Variants in ARID2 observed in about 807,000 individuals in gnomAD.
ARID2 encodes the protein AT-rich interaction domain 2.
Under a neutral mutation model 184.6 loss-of-function variants are expected in ARID2, and 32 were observed. The observed-to-expected ratio is 0.17, with a 90% CI of 0.13 to 0.23. The LOEUF (loss-of-function observed/expected upper bound fraction) is 0.23, where lower values mean the gene tolerates loss of function less well. ARID2 is among the 10% of genes least tolerant of loss of function. ARID2 has a pLI of 1.00. For missense variants in ARID2, 1,696 were observed against 2,197.6 expected (o/e 0.77, Z 4.56); for synonymous variants, 836 against 772.6 (o/e 1.08, Z -1.36).
chr12:45,868,482 C>T (rs1943865864), intron 16 of ARID2, among the ~76,000 whole-genome samples: 1 of 152,092 alleles, frequency 6.6e-6, no homozygotes, highest in African/African-American at 2.4e-5. Flanking sequence ...TATTATGTGT[C>T]CACCCCACGT....
intron 16 of ARID2, among the ~76,000 whole-genome samples, chr12:45,870,913 T>C (rs1007792379): frequency 1.3e-5 from 2 of 152,212 alleles, no homozygotes; most frequent in Non-Finnish European, 2.9e-5. Flanking sequence ...TAAGGTGTTA[T>C]AAACATTTAT....
chr12:45,753,540 C>A (rs1436099165), intron 3 of ARID2, among the ~76,000 whole-genome samples: 1 of 152,160 alleles, frequency 6.6e-6, no homozygotes, highest in Non-Finnish European at 1.5e-5. Context: ...ATAGTTTAAT[C>A]TATAAATGCA....
chr12:45,767,610 C>G (rs1033696342), intron 3 of ARID2, among the ~76,000 whole-genome samples: 1 of 152,126 alleles, frequency 6.6e-6, no homozygotes, highest in Non-Finnish European at 1.5e-5. Context: ...AGGAGGATCA[C>G]TTGAGCCTAG....
intron 3 of ARID2, among the ~76,000 whole-genome samples, chr12:45,795,236 T>C (rs149255471): frequency 3.9e-5 from 6 of 152,290 alleles, no homozygotes; most frequent in East Asian, 1.9e-4. Flanking sequence ...ATCTAGAACA[T>C]TGACCCTGTA....
rs1173051583 is a variant in ARID2 at position 45,893,482 on chromosome 12, C to G, written c.5210C>G (p.Pro1737Arg). The G allele has an allele frequency of 4.3e-6, 7 of 1,613,958 alleles. No individual in the cohort carries two copies. The highest frequency in any genetic ancestry group is 5.9e-6 in the Non-Finnish European group (7 of 1,179,926). ...PRAQKAIVNHPSAALMALRRG... is the reference protein window; with the variant it reads ...PRAQKAIVNHRSAALMALRRG... ...GCACAAAAGGCCATTGTGAATCATC[C>G]CAGTGCTGCACTTATGGCTCTGAGG... is the stretch of plus-strand genomic sequence containing the variant. Residue 1737 changes from proline to arginine, a missense_variant, in exon 19 of 21, where the codon CCC becomes CGC. Transcript: ENST00000334344.
rs2138163513 is a variant in ARID2, at chr12:45,850,611, C to G, written c.2488C>G (p.Gln830Glu). 6.2e-7 allele frequency: 1 copy of G among 1,614,104 alleles called. No individual in the cohort carries two copies. The highest frequency in any genetic ancestry group is 8.5e-7 in the Non-Finnish European group (1 of 1,179,976). ...QLITTSPQPV[Q>E]TSSQQTSAGS... ...AATCACCACATCACCCCAACCTGTGCAAACTTCATCTCAACAGACATCAGC... is the reference window on the plus strand; with the variant it reads ...AATCACCACATCACCCCAACCTGTGGAAACTTCATCTCAACAGACATCAGC... Residue 830 changes from glutamine to glutamate, a missense_variant, in exon 15 of 21, where the codon CAA becomes GAA. Around this residue, in one of 11 missense-constraint regions of ARID2, gnomAD observed 713 missense variants for 824.4 expected, o/e 0.86. Coordinates refer to ENST00000334344, the MANE Select transcript of ARID2 (RefSeq NM_152641.4).
intron 3 of ARID2, among the ~76,000 whole-genome samples, chr12:45,756,821 C>T (rs1941580301): frequency 6.6e-6 from 1 of 152,052 alleles, no homozygotes; most frequent in Non-Finnish European, 1.5e-5. Context: ...ATCCCTGGAG[C>T]CTGGGAGGTT....
At chr12:45,893,188 A>G (rs892987288) in intron 18 of ARID2, among the ~76,000 whole-genome samples, 1 of 152,232 alleles carries the variant, frequency 6.6e-6, no homozygotes, top group African/African-American at 2.4e-5. Flanking sequence ...TTGCTTTAAA[A>G]TTGATAGATT....
chr12:45,797,548 A>T (rs1942413313), intron 3 of ARID2, among the ~76,000 whole-genome samples: 1 of 152,290 alleles, frequency 6.6e-6, no homozygotes, highest in East Asian at 1.9e-4. Context: ...TTAAATTTTA[A>T]TGAGATAAAT....
In ARID2 at chr12:45,851,679, A is replaced by T. The variant is rs967761538; in HGVS notation, c.3556A>T (p.Thr1186Ser). The T allele has an allele frequency of 1.9e-6, 3 of 1,614,172 alleles. No homozygotes were observed. The highest frequency in any genetic ancestry group is 3.3e-5 in the Admixed American group (2 of 60,012). The change falls in exon 15 of 21, where the codon ACT becomes TCT. Residue 1186 changes from threonine (T) to serine (S), a missense_variant. This residue lies in a region of ARID2 where 428 missense variants were observed against 409.1 expected (regional missense o/e 1.05). Transcript: ENST00000334344. ...GCCAAATACGAGTTTTGCACCTGCA[A>T]CTGTGAGTCAGGGAAATGCAACTCA... is the stretch of plus-strand genomic sequence containing the variant. The part of the protein sequence containing the change: ...VVPNTSFAPA[T>S]VSQGNATQLI...
chr12:45,894,338 C>T, intron 20 of ARID2, among the ~76,000 whole-genome samples: 1 of 152,196 alleles, frequency 6.6e-6, no homozygotes, highest in East Asian at 1.9e-4. Flanking sequence ...CTTGGGCCGC[C>T]TCTCTGCGAA....
chr12:45,892,247 T>G (rs1315977734), intron 18 of ARID2, 151 bp downstream of exon 18: 2 of 741,924 alleles, frequency 2.7e-6, no homozygotes, highest in Non-Finnish European at 4.3e-6. Context: ...CCTGTTCAAA[T>G]TGCTTAGATT....
At chr12:45,827,566 G>C (rs1943026251) in intron 6 of ARID2, among the ~76,000 whole-genome samples, 1 of 152,124 alleles carries the variant, frequency 6.6e-6, no homozygotes, top group East Asian at 1.9e-4. Flanking sequence ...TGAGGCTTTT[G>C]CAAGTATTGT....
In ARID2 at chr12:45,893,401, C is replaced by T. The variant is rs1426647838; in HGVS notation, c.5148-19C>T. The T allele has an allele frequency of 6.2e-7, 1 of 1,602,028 alleles. No homozygotes were observed. The highest frequency in any genetic ancestry group is 1.7e-5 in the Admixed American group (1 of 58,094). ...TATCACGTTAATTCTCTCTCTCTCT[C>T]TCTCTCTGATCAATTTAGGCAGCCA... is the stretch of plus-strand genomic sequence containing the variant. On this transcript the variant is annotated intron_variant, in intron 18 of 20. Transcript: ENST00000334344.
rs71067909 is a variant in ARID2, at chr12:45,901,154, A to ATT, written c.5364-3747_5364-3746dup. Among the ~76,000 whole-genome samples the ATT allele has an allele frequency of 7.0e-3, 316 of 44,950 alleles. 55 individuals are homozygous for ATT. Among genetic ancestry groups the ATT allele is most frequent in the African/African-American group, 8.5e-3 (61 of 7,156 alleles). 29.5% of individuals were successfully genotyped at this position (44,950 alleles called of 152,430 possible). A position where few individuals can be genotyped will look rare whatever the true frequency, so the allele number is the denominator to read the frequency against. On this transcript the variant is annotated intron_variant, in intron 20 of 20. Transcript: ENST00000334344. ...AATCTATTTTTTGGAAATTTCCTTA[A>ATT]TTTTTTTTTTTTTTTTTTTTTTTTT...
At chr12:45,736,649 C>A (rs1941131774) in intron 3 of ARID2, among the ~76,000 whole-genome samples, 1 of 152,134 alleles carries the variant, frequency 6.6e-6, no homozygotes, top group Non-Finnish European at 1.5e-5. Flanking sequence ...GGGGATTCTC[C>A]TTTTGCTGCT....
chr12:45,885,450 G>A (rs1223107979), intron 16 of ARID2, among the ~76,000 whole-genome samples: 1 of 151,798 alleles, frequency 6.6e-6, no homozygotes, highest in East Asian at 1.9e-4. Context: ...TTTTAAGTCA[G>A]GTGAGTTTGT....
intron 3 of ARID2, among the ~76,000 whole-genome samples, chr12:45,750,194 A>G (rs1437697199): frequency 3.3e-5 from 5 of 152,130 alleles, no homozygotes; most frequent in East Asian, 3.9e-4. Flanking sequence ...CCTAATTTCA[A>G]TATAGTTGTG....
intron 16 of ARID2, among the ~76,000 whole-genome samples, chr12:45,870,147 T>A (rs1943899733): frequency 6.6e-6 from 1 of 151,740 alleles, no homozygotes; most frequent in Non-Finnish European, 1.5e-5. Context: ...CACCATGCCC[T>A]GCTAACTTTT....
Sources: gnomAD v4.1 joint callset for allele counts (sites outside exome capture counted in the v4.1 genomes callset) on GRCh38, gnomAD v4.1.1 for gene constraint, gnomAD v4.1.1 regional missense constraint, MANE v1.5 for transcripts, NCBI Gene and HGNC (gene_info 2026-07-23, HGNC 2026-07-21) for gene names.